Variants in FGD4 observed in about 807,000 individuals in gnomAD.
FGD4 encodes FYVE, RhoGEF and PH domain-containing protein 4.
FGD4 carries 42 observed loss-of-function variants against 102.0 expected under a neutral mutation model. The ratio of observed to expected loss-of-function variants is 0.41; its 90% CI spans 0.32 to 0.53. The LOEUF is 0.53. FGD4 is among the 20% of genes least tolerant of loss of function. The pLI is 0.21. For missense variants in FGD4, 902 were observed against 1,078.2 expected (o/e 0.84, Z 2.29); for synonymous variants, 380 against 375.7 (o/e 1.01, Z -0.13).
chr12:32,613,723 T>C lies in FGD4; in HGVS notation c.1749+2440T>C, dbSNP rs934809773. On this transcript the variant is annotated intron_variant, in intron 10 of 16. Coordinates refer to ENST00000534526, the MANE Select transcript of FGD4 (RefSeq NM_001370298.3). ...AGAGTTCCAAGGCTGCACTGAGGTA[T>C]GACCATGCCACCCAGCCTGGGTGAC... Among the ~76,000 whole-genome samples the C allele has an allele frequency of 2.6e-5, 4 of 152,150 alleles. No individual in the cohort carries two copies. The East Asian group carries it at 5.8e-4, about 22-fold the overall frequency.
intron 14 of FGD4, among the ~76,000 whole-genome samples, chr12:32,630,940 T>C (rs1490184764): frequency 2.0e-5 from 3 of 152,050 alleles, no homozygotes; most frequent in Non-Finnish European, 4.4e-5. Flanking sequence ...ATCACACCAC[T>C]GCACTCCAGC....
At chr12:32,433,164 T>A (rs1333989912) in intron 1 of FGD4, among the ~76,000 whole-genome samples, 2 of 151,686 alleles carry the variant, frequency 1.3e-5, no homozygotes, top group Non-Finnish European at 2.9e-5. Flanking sequence ...ACCTCGCTAA[T>A]TTTTGTATTT....
intron 1 of FGD4, among the ~76,000 whole-genome samples, chr12:32,558,184 T>C (rs1944268615): frequency 6.6e-6 from 1 of 152,224 alleles, no homozygotes; most frequent in Non-Finnish European, 1.5e-5. Context: ...CCAAAAGTCA[T>C]GCAAGACAAA....
At chr12:32,408,103 G>A (rs1005895374) in intron 1 of FGD4, among the ~76,000 whole-genome samples, 1 of 151,066 alleles carries the variant, frequency 6.6e-6, no homozygotes, top group African/African-American at 2.4e-5. Flanking sequence ...AGGTTCAAAC[G>A]ATTCCCCTGC....
At chr12:32,604,815 C>T (rs76285324) in intron 7 of FGD4, among the ~76,000 whole-genome samples, 1,757 of 152,246 alleles carry the variant, frequency 0.012, 19 homozygotes, top group Middle Eastern at 0.072. Context: ...AGATTCTCAC[C>T]GTTCTTACCC....
chr12:32,472,722 G>A (rs1943450813), intron 1 of FGD4, among the ~76,000 whole-genome samples: 1 of 152,254 alleles, frequency 6.6e-6, no homozygotes, highest in Non-Finnish European at 1.5e-5. Context: ...CAGCCCCGGT[G>A]CGGGATCCAC....
intron 1 of FGD4, among the ~76,000 whole-genome samples, chr12:32,448,333 AATGGAGCAGAGTCAT>A (rs1158321133): frequency 6.6e-6 from 1 of 152,122 alleles, no homozygotes; most frequent in African/African-American, 2.4e-5. Flanking sequence ...TGTCTGAGCA[AATGGAGCAGAGTCAT>A]ATGGACTCAT....
chr12:32,644,530 A>G lies in FGD4; in HGVS notation c.*3997A>G, dbSNP rs1445423529. On this transcript the variant is annotated 3_prime_UTR_variant, in exon 17 of 17. Coordinates refer to ENST00000534526, the MANE Select transcript of FGD4 (RefSeq NM_001370298.3). The stretch of plus-strand genomic sequence containing the variant: ...TTATTTACATGGATCTTTATGTATA[A>G]TTCATCCTTATATATACCCCTTAAT... 6.6e-6 allele frequency: 1 copy of G among 152,186 alleles called. No homozygotes were observed. Among genetic ancestry groups the G allele is most frequent in the Non-Finnish European group, 1.5e-5 (1 of 68,036 alleles). The allele number at this position is 152,186 out of a possible 1,614,324, so 9.4% of individuals were successfully genotyped here. A position where few individuals can be genotyped will look rare whatever the true frequency, so the allele number is the denominator to read the frequency against.
At chr12:32,576,037 A>G (rs1337408020) in intron 2 of FGD4, among the ~76,000 whole-genome samples, 1 of 152,204 alleles carries the variant, frequency 6.6e-6, no homozygotes, top group Non-Finnish European at 1.5e-5. Flanking sequence ...TTAAGATGCA[A>G]TAAAATTAAA....
At chr12:32,609,115 C>T (rs1003939819) in intron 8 of FGD4, among the ~76,000 whole-genome samples, 1 of 152,186 alleles carries the variant, frequency 6.6e-6, no homozygotes, top group African/African-American at 2.4e-5. Context: ...CCACCCACCT[C>T]AGCTTCCCAA....
intron 1 of FGD4, among the ~76,000 whole-genome samples, chr12:32,525,774 G>A (rs1169663038): frequency 1.3e-5 from 2 of 152,258 alleles, no homozygotes; most frequent in African/African-American, 4.8e-5. Context: ...GGAGCAGCCA[G>A]CCAGCCCTGC....
At chr12:32,423,320 G>A (rs1166260261) in intron 1 of FGD4, among the ~76,000 whole-genome samples, 2 of 152,038 alleles carry the variant, frequency 1.3e-5, no homozygotes, top group African/African-American at 4.8e-5. Flanking sequence ...AGGCCAGCAC[G>A]GTGACTCACA....
In FGD4 at chr12:32,601,243, A is replaced by G. The variant is rs1251730171; in HGVS notation, c.1102-35A>G. The G allele has an allele frequency of 1.9e-6, 3 of 1,602,792 alleles. No individual in the cohort carries two copies. In the South Asian group the frequency reaches 3.3e-5, roughly 18 times the overall value. On this transcript the variant is annotated intron_variant, in intron 5 of 16. Coordinates refer to ENST00000534526, the MANE Select transcript of FGD4 (RefSeq NM_001370298.3). ...ACAGTGCTAGGTGGTTAACCAATAA[A>G]TGTGAAGTAATGCTTACATTATTCT... is the stretch of plus-strand genomic sequence containing the variant.
chr12:32,615,107 G>T (rs1249212336), intron 10 of FGD4, among the ~76,000 whole-genome samples: 1 of 152,190 alleles, frequency 6.6e-6, no homozygotes, highest in Non-Finnish European at 1.5e-5. Flanking sequence ...TAAACAAAAT[G>T]TGGTATGTTC....
At chr12:32,524,448 G>A (rs1940916471) in intron 1 of FGD4, among the ~76,000 whole-genome samples, 1 of 140,810 alleles carries the variant, frequency 7.1e-6, no homozygotes, top group Admixed American at 7.1e-5. Context: ...ATAAAAGCAA[G>A]ATTTGATAAG....
At chr12:32,458,570 A>G (rs1044796685) in intron 1 of FGD4, among the ~76,000 whole-genome samples, 1 of 152,214 alleles carries the variant, frequency 6.6e-6, no homozygotes, top group African/African-American at 2.4e-5. Flanking sequence ...TGGTAAATCA[A>G]TATTTTATTT....
intron 1 of FGD4, among the ~76,000 whole-genome samples, chr12:32,441,432 A>G (rs949656780): frequency 1.3e-5 from 2 of 151,988 alleles, no homozygotes; most frequent in Non-Finnish European, 2.9e-5. Flanking sequence ...TGTGTCTAGA[A>G]GTGTAATCTG....
intron 1 of FGD4, among the ~76,000 whole-genome samples, chr12:32,497,538 T>A (rs774346860): frequency 1.3e-5 from 2 of 152,212 alleles, no homozygotes; most frequent in African/African-American, 4.8e-5. Flanking sequence ...TTCACTGATA[T>A]GTTTGATCCC....
chr12:32,567,216 G>A (rs1945257569), intron 2 of FGD4, among the ~76,000 whole-genome samples: 1 of 152,172 alleles, frequency 6.6e-6, no homozygotes, highest in South Asian at 2.1e-4. Context: ...TTGCTTTCTT[G>A]CAGTGTTATT....
Sources: allele counts gnomAD v4.1 joint callset (sites outside exome capture counted in the v4.1 genomes callset), GRCh38; gene constraint gnomAD v4.1.1; transcripts MANE v1.5; gene names NCBI Gene and HGNC (gene_info 2026-07-23, HGNC 2026-07-21).